LARGE1: variants seen among roughly 807,000 people sequenced by gnomAD.
LARGE1 encodes LARGE xylosyl- and glucuronyltransferase 1.
LARGE1 carries 43 observed loss-of-function variants against 87.6 expected under a neutral mutation model. The ratio of observed to expected loss-of-function variants is 0.49; its 90% CI spans 0.38 to 0.63. The LOEUF (loss-of-function observed/expected upper bound fraction) is 0.63, where lower values mean the gene tolerates loss of function less well. Ranked by LOEUF, LARGE1 falls within the 30% of genes least tolerant of loss-of-function variation. The probability of loss-of-function intolerance (pLI) is 0.00; values close to 1 mark genes in which losing one functional copy is unlikely to be tolerated. For synonymous variants in LARGE1, 434 were observed against 394.6 expected, an observed-to-expected ratio of 1.10 and a Z score of -1.18; for missense variants, 802 against 1,000.2, an observed-to-expected ratio of 0.80 and a Z score of 2.67.
intron 11 of LARGE1, among the ~76,000 whole-genome samples, chr22:33,208,734 C>A (rs2146226793): frequency 6.6e-6 from 1 of 152,270 alleles, no homozygotes; most frequent in East Asian, 1.9e-4. Flanking sequence ...CCCCCACCAC[C>A]AGACAGGCCA....
chr22:33,605,782 T>C (rs540091891), intron 4 of LARGE1, among the ~76,000 whole-genome samples: 2 of 152,282 alleles, frequency 1.3e-5, no homozygotes, highest in African/African-American at 4.8e-5. Context: ...AAAGAGCTCA[T>C]ACTGCTCAGA....
At chr22:33,388,853 G>A (rs1224022239) in intron 7 of LARGE1, among the ~76,000 whole-genome samples, 5 of 151,846 alleles carry the variant, frequency 3.3e-5, no homozygotes, top group African/African-American at 1.2e-4. Flanking sequence ...ACAGGTGTGA[G>A]CCACCACGCC....
chr22:33,257,619 T>G (rs942485575), intron 11 of LARGE1, among the ~76,000 whole-genome samples: 1 of 151,998 alleles, frequency 6.6e-6, no homozygotes, highest in Non-Finnish European at 1.5e-5. Context: ...AAATAGCCCT[T>G]AACGGGATAG....
intron 3 of LARGE1, among the ~76,000 whole-genome samples, chr22:33,648,705 T>G (rs1201616066): frequency 1.3e-5 from 2 of 152,180 alleles, no homozygotes; most frequent in Non-Finnish European, 2.9e-5. Context: ...TGACAGTGGT[T>G]GTCAAAGACT....
chr22:33,898,081 C>T (rs9607089), intron 1 of LARGE1, among the ~76,000 whole-genome samples: 6,060 of 152,276 alleles, frequency 0.04, 486 homozygotes, highest in East Asian at 0.37. Flanking sequence ...TGTAGCCACC[C>T]AAAAGGTACC....
At chr22:33,458,067 C>A (rs2068213359) in intron 6 of LARGE1, among the ~76,000 whole-genome samples, 2 of 151,730 alleles carry the variant, frequency 1.3e-5, no homozygotes, top group Non-Finnish European at 2.9e-5. Context: ...GTGCCAGATA[C>A]TTCATATTTG....
At chr22:33,283,733 C>G (rs537295061) in intron 12 of LARGE1, among the ~76,000 whole-genome samples, 1 of 147,698 alleles carries the variant, frequency 6.8e-6, no homozygotes, top group Non-Finnish European at 1.5e-5. Context: ...GCTGAGATTA[C>G]GCCATTGCAC....
chr22:33,076,555 TTC>T, the LARGE1 span, among the ~76,000 whole-genome samples: 2 of 152,232 alleles, frequency 1.3e-5, no homozygotes, highest in African/African-American at 4.8e-5. Context: ...TTCAGATTTA[TTC>T]TGTCAATGGG....
At chr22:33,476,404 G>A (rs1337721921) in intron 6 of LARGE1, among the ~76,000 whole-genome samples, 1 of 152,132 alleles carries the variant, frequency 6.6e-6, no homozygotes, top group Non-Finnish European at 1.5e-5. Context: ...CTATGACCTG[G>A]AAGCTCCGCC....
intron 6 of LARGE1, among the ~76,000 whole-genome samples, chr22:33,461,947 G>C (rs1047430079): frequency 2.0e-5 from 3 of 152,134 alleles, no homozygotes; most frequent in Non-Finnish European, 2.9e-5. Context: ...GACTACAGCT[G>C]CATGAGAGAT....
intron 6 of LARGE1, among the ~76,000 whole-genome samples, chr22:33,527,117 A>G (rs140543103): frequency 0.012 from 1,768 of 152,264 alleles, 17 homozygotes; most frequent in African/African-American, 0.03. Flanking sequence ...TTAGCCAGGC[A>G]TGGTGGCGCA....
chr22:33,906,644 G>A (rs949859130), intron 1 of LARGE1, among the ~76,000 whole-genome samples: 1 of 152,150 alleles, frequency 6.6e-6, no homozygotes, highest in African/African-American at 2.4e-5. Flanking sequence ...AACTGTCAGA[G>A]CCCAAATTTC....
chr22:33,232,260 G>A (rs1403388113), intron 11 of LARGE1, among the ~76,000 whole-genome samples: 1 of 152,322 alleles, frequency 6.6e-6, no homozygotes, highest in East Asian at 1.9e-4. Context: ...TTGTCAAAAC[G>A]CCCATGGCGT....
intron 1 of LARGE1, among the ~76,000 whole-genome samples, chr22:33,776,299 AT>A (rs1231090794): frequency 6.6e-6 from 1 of 152,182 alleles, no homozygotes; most frequent in Non-Finnish European, 1.5e-5. Flanking sequence ...TGGTGTGGAC[AT>A]TACTTCTAGC....
chr22:33,525,895 A>G (rs975635971), intron 6 of LARGE1, among the ~76,000 whole-genome samples: 3 of 152,250 alleles, frequency 2.0e-5, no homozygotes, highest in Non-Finnish European at 4.4e-5. Flanking sequence ...AATGTTAAAC[A>G]TGGAGTCAAC....
chr22:33,560,861 C>A (rs980385602), intron 6 of LARGE1, among the ~76,000 whole-genome samples: 1 of 150,770 alleles, frequency 6.6e-6, no homozygotes, highest in African/African-American at 2.5e-5. Context: ...GTCACCCAGG[C>A]TGGAGTGCAG....
intron 1 of LARGE1, among the ~76,000 whole-genome samples, chr22:33,912,524 C>G (rs918764843): frequency 6.6e-6 from 1 of 152,130 alleles, no homozygotes; most frequent in African/African-American, 2.4e-5. Context: ...AAAAGCAAAG[C>G]TCTCTCAGTA....
At chr22:33,229,171 GA>G (rs1490179236) in intron 11 of LARGE1, among the ~76,000 whole-genome samples, 1 of 152,090 alleles carries the variant, frequency 6.6e-6, no homozygotes, top group Non-Finnish European at 1.5e-5. Flanking sequence ...TGACCACAAG[GA>G]TCTTATCAGC....
At chr22:33,702,648 G>T (rs1414911997) in intron 2 of LARGE1, among the ~76,000 whole-genome samples, 1 of 152,148 alleles carries the variant, frequency 6.6e-6, no homozygotes, top group Non-Finnish European at 1.5e-5. Flanking sequence ...TCAGGACAAA[G>T]GGCTTCTCCT....
Sources: allele counts gnomAD v4.1 joint callset (sites outside exome capture counted in the v4.1 genomes callset), GRCh38; gene constraint gnomAD v4.1.1; transcripts MANE v1.5; gene names NCBI Gene and HGNC (gene_info 2026-07-23, HGNC 2026-07-21).